Variants in GNA12 observed in about 807,000 individuals in gnomAD.
GNA12 encodes the protein guanine nucleotide-binding protein subunit alpha-12.
A neutral mutation model predicts 26.0 loss-of-function variants in GNA12; 9 were observed. The observed-to-expected ratio is 0.35, with a 90% confidence interval of 0.21 to 0.60. The LOEUF (loss-of-function observed/expected upper bound fraction) is 0.60, where lower values mean the gene tolerates loss of function less well. Ranked by LOEUF, GNA12 falls within the 20% of genes least tolerant of loss-of-function variation. GNA12 has a pLI of 0.78. For synonymous variants in GNA12, 264 were observed against 219.6 expected, an observed-to-expected ratio of 1.20 and a Z score of -1.79; for missense variants, 405 against 525.8, an observed-to-expected ratio of 0.77 and a Z score of 2.25.
chr7:2,809,116 C>G (rs1369928018), intron 1 of GNA12, among the ~76,000 whole-genome samples: 2 of 152,170 alleles, frequency 1.3e-5, no homozygotes, highest in Non-Finnish European at 2.9e-5. Flanking sequence ...TGACCACTTC[C>G]GGCTGGCTAC....
intron 2 of GNA12, among the ~76,000 whole-genome samples, chr7:2,783,099 C>T (rs1792271001): frequency 6.6e-6 from 1 of 152,050 alleles, no homozygotes; most frequent in Non-Finnish European, 1.5e-5. Flanking sequence ...CTGACCTGAC[C>T]CCACCGTCTG....
chr7:2,762,308 A>G (rs1791598233), intron 2 of GNA12: 1 of 292,744 alleles, frequency 3.4e-6, no homozygotes. Context: ...TGCACCCACC[A>G]CTCACGCCAG....
At chr7:2,805,549 G>T (rs1333966250) in intron 1 of GNA12, among the ~76,000 whole-genome samples, 1 of 152,176 alleles carries the variant, frequency 6.6e-6, no homozygotes, top group Non-Finnish European at 1.5e-5. Context: ...TGAGTATCTG[G>T]AGAGATAAGG....
At chr7:2,835,968 AG>A in intron 1 of GNA12, 1 of 485,420 alleles carries the variant, frequency 2.1e-6, no homozygotes, top group Non-Finnish European at 3.9e-6. Context: ...CAGATTTGAA[AG>A]TTCAGTTGTA....
chr7:2,733,740 A>G (rs1022996939), intron 2 of GNA12, among the ~76,000 whole-genome samples: 3 of 152,194 alleles, frequency 2.0e-5, no homozygotes, highest in African/African-American at 7.2e-5. Flanking sequence ...CTGTTTTTCA[A>G]TTTTCGCTGC....
chr7:2,813,829 C>T (rs1793144683), intron 1 of GNA12, among the ~76,000 whole-genome samples: 1 of 152,104 alleles, frequency 6.6e-6, no homozygotes, highest in Non-Finnish European at 1.5e-5. Flanking sequence ...CCACAGGGTG[C>T]CTGATGCAAC....
chr7:2,806,731 C>G (rs2115475412), intron 1 of GNA12, among the ~76,000 whole-genome samples: 1 of 152,260 alleles, frequency 6.6e-6, no homozygotes. Flanking sequence ...ATTTCAAGAT[C>G]TGTAATGGCT....
intron 2 of GNA12, chr7:2,763,191 A>ACACACAC (rs1791652924): frequency 2.2e-5 from 5 of 222,640 alleles, no homozygotes; most frequent in East Asian, 1.5e-4. Flanking sequence ...AAGACACCCC[A>ACACACAC]ACACACACAC....
intron 2 of GNA12, among the ~76,000 whole-genome samples, chr7:2,758,372 G>A (rs1334161855): frequency 1.3e-5 from 2 of 152,156 alleles, no homozygotes; most frequent in Non-Finnish European, 2.9e-5. Flanking sequence ...AAGCTCCAAT[G>A]CAGGCTTGCA....
At chr7:2,744,578 G>A (rs1790675356) in intron 2 of GNA12, among the ~76,000 whole-genome samples, 1 of 152,222 alleles carries the variant, frequency 6.6e-6, no homozygotes, top group African/African-American at 2.4e-5. Flanking sequence ...AAAAAACAGA[G>A]CAGAAAAACT....
rs1368725578 is a variant in GNA12, at chr7:2,815,170, A to G, written c.310-20027T>C. The G allele has an allele frequency of 2.0e-5, 11 of 538,914 alleles. No individual in the cohort carries two copies. In the Admixed American group the frequency reaches 2.7e-4, roughly 13 times the overall value. The allele number at this position is 538,914 out of a possible 1,614,324, so 33.4% of individuals were successfully genotyped here. A position where few individuals can be genotyped will look rare whatever the true frequency, so the allele number is the denominator to read the frequency against. ...ATACAAAAAGCAAGTGGACAGGAACATCGGCGAGGTGCCTGCGGTCCGGCA... is the reference window on the plus strand; with the variant it reads ...ATACAAAAAGCAAGTGGACAGGAACGTCGGCGAGGTGCCTGCGGTCCGGCA... On this transcript the variant is annotated intron_variant, in intron 1 of 3. Coordinates refer to ENST00000275364, the MANE Select transcript of GNA12 (RefSeq NM_007353.3).
intron 1 of GNA12, among the ~76,000 whole-genome samples, chr7:2,811,343 A>G (rs769459714): frequency 1.3e-5 from 2 of 152,174 alleles, no homozygotes; most frequent in Non-Finnish European, 2.9e-5. Flanking sequence ...CTGGCTGATG[A>G]CACCGCGGCT....
intron 2 of GNA12, among the ~76,000 whole-genome samples, chr7:2,754,771 A>G (rs964779061): frequency 2.0e-5 from 3 of 152,144 alleles, no homozygotes; most frequent in African/African-American, 7.2e-5. Flanking sequence ...TTTGCAGAGC[A>G]AACATTTCAA....
At chr7:2,753,282 T>G (rs913314271) in intron 2 of GNA12, among the ~76,000 whole-genome samples, 2 of 152,094 alleles carry the variant, frequency 1.3e-5, no homozygotes, top group African/African-American at 4.8e-5. Flanking sequence ...GCCTCCCAAG[T>G]AGCTGGGACT....
chr7:2,822,390 A>G (rs1332425934), intron 1 of GNA12, among the ~76,000 whole-genome samples: 1 of 152,192 alleles, frequency 6.6e-6, no homozygotes, highest in Non-Finnish European at 1.5e-5. Context: ...GAGACCTGGC[A>G]CACTCTTAAC....
chr7:2,789,457 G>C (rs1439090224), intron 2 of GNA12, among the ~76,000 whole-genome samples: 4 of 152,138 alleles, frequency 2.6e-5, no homozygotes, highest in Admixed American at 6.5e-5. Context: ...TTTTACATGA[G>C]TCACAGTGAT....
intron 1 of GNA12, among the ~76,000 whole-genome samples, chr7:2,819,155 G>T (rs922920695): frequency 6.6e-6 from 1 of 152,142 alleles, no homozygotes; most frequent in Non-Finnish European, 1.5e-5. Context: ...GTTCTGAGTT[G>T]CAGGGGCTGC....
At chr7:2,779,602 C>T (rs1792170279) in intron 2 of GNA12, among the ~76,000 whole-genome samples, 1 of 151,790 alleles carries the variant, frequency 6.6e-6, no homozygotes, top group African/African-American at 2.4e-5. Context: ...TTTTTAAAAA[C>T]TTTTTAACTT....
At chr7:2,739,618 A>C (rs1415921940) in intron 2 of GNA12, among the ~76,000 whole-genome samples, 1 of 152,112 alleles carries the variant, frequency 6.6e-6, no homozygotes, top group Non-Finnish European at 1.5e-5. Flanking sequence ...TTTTGCTTGA[A>C]TATCTGTTTT....
Sources: gnomAD v4.1 joint callset for allele counts (sites outside exome capture counted in the v4.1 genomes callset) on GRCh38, gnomAD v4.1.1 for gene constraint, MANE v1.5 for transcripts, NCBI Gene and HGNC (gene_info 2026-07-23, HGNC 2026-07-21) for gene names.